Variants in MIR17HG observed in about 807,000 individuals in gnomAD.
The protein encoded by MIR17HG is MIR17 host gene (non-protein coding).
intron 3 of MIR17HG, chr13:91,353,788 T>TA (rs1016615950): frequency 7.9e-5 from 12 of 152,100 alleles, no homozygotes; most frequent in African/African-American, 2.7e-4. Context: ...AACTTTTTTT[T>TA]TTTTTTTTGG....
At chr13:91,349,134 G>T (rs1875143982) in intron 1 of MIR17HG, among the ~76,000 whole-genome samples, 1 of 152,046 alleles carries the variant, frequency 6.6e-6, no homozygotes, top group African/African-American at 2.4e-5. Context: ...TGTGCTGCCG[G>T]CCCGGGCTCC....
intron 1 of MIR17HG, among the ~76,000 whole-genome samples, chr13:91,349,012 C>G (rs1875131333): frequency 6.6e-6 from 1 of 150,668 alleles, no homozygotes; most frequent in African/African-American, 2.4e-5. Flanking sequence ...GCGCGGCTGC[C>G]GCCGGGAAAC....
chr13:91,351,470 A>G (rs897783443), intron 3 of MIR17HG: 7 of 434,692 alleles, frequency 1.6e-5, no homozygotes, highest in Non-Finnish European at 2.5e-5. Flanking sequence ...TACAAGATAC[A>G]TGAAATATTA....
At chr13:91,349,381 C>T (rs921712805) in intron 1 of MIR17HG, among the ~76,000 whole-genome samples, 4 of 146,844 alleles carry the variant, frequency 2.7e-5, no homozygotes, top group African/African-American at 9.9e-5. Context: ...CTGTGGGCTG[C>T]TTTTTTTTTT....
At chr13:91,347,985 C>A (rs1055282433) in intron 1 of MIR17HG, 2 of 151,356 alleles carry the variant, frequency 1.3e-5, no homozygotes, top group African/African-American at 2.4e-5. Context: ...CCTCCGGCGA[C>A]GGAGGGAAAC....
At chr13:91,348,158 G>T (rs1467027395) in intron 1 of MIR17HG, among the ~76,000 whole-genome samples, 2 of 80,848 alleles carry the variant, frequency 2.5e-5, no homozygotes, top group Non-Finnish European at 5.2e-5. Context: ...CCCGCGGGCC[G>T]GCGGAGGGGG....
In MIR17HG at chr13:91,351,533, A is replaced by C. The variant is rs1875315211; in HGVS notation, n.284+1307A>C. On this transcript the variant is annotated intron_variant and non_coding_transcript_variant, in intron 3 of 3. Coordinates refer to ENST00000400282, the Ensembl canonical transcript of MIR17HG. ...TACATCTTGTCTTGTTTTCATTCAA[A>C]AACATTTCACTTTTGGGGTTGCGTG... The C allele has an allele frequency of 8.5e-6, 3 of 353,572 alleles. No homozygotes were observed. In the Admixed American group the frequency reaches 9.9e-5, roughly 12 times the overall value. The allele number at this position is 353,572 out of a possible 1,614,324, so 21.9% of individuals were successfully genotyped here. A position where few individuals can be genotyped will look rare whatever the true frequency, so the allele number is the denominator to read the frequency against.
chr13:91,348,607 AGCCCGCGTGGGCAGCCTCGGGGCGGG>A (rs1875091816), intron 1 of MIR17HG, among the ~76,000 whole-genome samples: 1 of 150,892 alleles, frequency 6.6e-6, no homozygotes, highest in Non-Finnish European at 1.5e-5. Flanking sequence ...GGGCTTTGTT[AGCCCGCGTGGGCAGCCTCGGGGCGGG>A]GCCCGCAACT....
intron 3 of MIR17HG, chr13:91,350,961 A>G (rs748058730): frequency 3.6e-5 from 19 of 532,110 alleles, no homozygotes; most frequent in Admixed American, 3.5e-4. Context: ...TGCAAAACTG[A>G]TGGTGGCCTG....
At chr13:91,351,322 A>G (rs756016604) in intron 3 of MIR17HG, 9 of 532,138 alleles carry the variant, frequency 1.7e-5, no homozygotes, top group Non-Finnish European at 3.1e-5. Context: ...CCCTTTCTAC[A>G]CAGGTTGGGA....
chr13:91,347,986 G>T (rs895322682), intron 1 of MIR17HG: 1 of 151,496 alleles, frequency 6.6e-6, no homozygotes, highest in Non-Finnish European at 1.5e-5. Flanking sequence ...CTCCGGCGAC[G>T]GAGGGAAACC....
At chr13:91,353,739 A>G (rs1875438827) in intron 3 of MIR17HG, among the ~76,000 whole-genome samples, 1 of 151,788 alleles carries the variant, frequency 6.6e-6, no homozygotes, top group Non-Finnish European at 1.5e-5. Flanking sequence ...TTTAGGTTTA[A>G]TAAATAGCCT....
chr13:91,347,879 T>G (rs1875040225), exon 1 of MIR17HG: 1 of 145,342 alleles, frequency 6.9e-6, no homozygotes. Context: ...CCTCCGGTCG[T>G]AGTAAAGCGC....
In MIR17HG at chr13:91,348,123, C is replaced by T. The variant is rs1334766571; in HGVS notation, n.140+164C>T. 6.6e-5 allele frequency among the ~76,000 whole-genome samples: 9 copies of T among 137,178 alleles called. No homozygotes were observed. The South Asian group carries it at 9.3e-4, about 14-fold the overall frequency. The allele number at this position is 137,178 out of a possible 152,430, so 90.0% of individuals were successfully genotyped here. A position where few individuals can be genotyped will look rare whatever the true frequency, so the allele number is the denominator to read the frequency against. ...CGTTGGCCGCCCCGGCGTGTGGCAG[C>T]CGCATCTGGCTGCCCCCTCGCTCGC... On this transcript the variant is annotated intron_variant and non_coding_transcript_variant, in intron 1 of 3. Coordinates refer to ENST00000400282, the Ensembl canonical transcript of MIR17HG.
chr13:91,348,432 T>C (rs1217681686), intron 1 of MIR17HG, among the ~76,000 whole-genome samples: 1 of 147,432 alleles, frequency 6.8e-6, no homozygotes, highest in African/African-American at 2.5e-5. Context: ...CGGCGGCACA[T>C]GGGGCAGGCC....
chr13:91,348,881 G>T (rs1171385346), intron 1 of MIR17HG, among the ~76,000 whole-genome samples: 4 of 148,822 alleles, frequency 2.7e-5, no homozygotes, highest in African/African-American at 9.7e-5. Flanking sequence ...CGCGTGCGAC[G>T]GGCACCGCGG....
intron 1 of MIR17HG, among the ~76,000 whole-genome samples, chr13:91,349,384 T>C (rs1383208015): frequency 1.3e-5 from 2 of 151,936 alleles, no homozygotes; most frequent in Non-Finnish European, 2.9e-5. Context: ...TGGGCTGCTT[T>C]TTTTTTTTCC....
At chr13:91,348,833 C>G (rs1875109976) in intron 1 of MIR17HG, among the ~76,000 whole-genome samples, 1 of 149,554 alleles carries the variant, frequency 6.7e-6, no homozygotes, top group Admixed American at 6.6e-5. Context: ...GCGGCGACTG[C>G]GCGCCGCCGC....
At chr13:91,352,093 T>C (rs1566345291) in intron 3 of MIR17HG, 1 of 152,130 alleles carries the variant, frequency 6.6e-6, no homozygotes, top group Non-Finnish European at 1.5e-5. Flanking sequence ...ATGCCAAGAG[T>C]GCAGCGGTGG....
Sources: gnomAD v4.1 joint callset for allele counts (sites outside exome capture counted in the v4.1 genomes callset) on GRCh38, gnomAD v4.1.1 for gene constraint, MANE v1.5 for transcripts, NCBI Gene and HGNC (gene_info 2026-07-23, HGNC 2026-07-21) for gene names.